The following SRC variants were observed in gnomAD, a reference collection of about 807,000 sequenced individuals.
The protein encoded by SRC is SRC proto-oncogene, non-receptor tyrosine kinase, also known as proto-oncogene tyrosine-protein kinase Src.
Under a neutral mutation model 62.9 loss-of-function variants are expected in SRC, and 13 were observed. The ratio of observed to expected loss-of-function variants is 0.21; its 90% CI spans 0.13 to 0.33. The LOEUF is 0.33. Among genes scored for constraint, SRC ranks in the 10% least tolerant of loss-of-function variants. The probability of loss-of-function intolerance (pLI) is 1.00; values close to 1 mark genes in which losing one functional copy is unlikely to be tolerated. For missense variants in SRC, 457 were observed against 737.3 expected (o/e 0.62, Z 4.40); for synonymous variants, 302 against 317.5 (o/e 0.95, Z 0.52).
chr20:37,364,644 C>G (rs1190082967), intron 1 of SRC, among the ~76,000 whole-genome samples: 5 of 152,172 alleles, frequency 3.3e-5, no homozygotes, highest in African/African-American at 4.8e-5. Flanking sequence ...CCTCCATTTC[C>G]TGGCCTGCTC....
chr20:37,376,775 T>G (rs1460433612), intron 2 of SRC, among the ~76,000 whole-genome samples: 2 of 152,246 alleles, frequency 1.3e-5, no homozygotes, highest in Non-Finnish European at 2.9e-5. Flanking sequence ...AGTGCTGGAA[T>G]TACAGGCATG....
In SRC at chr20:37,386,063, C is replaced by T. The variant is rs372817033; in HGVS notation, c.251-12C>T. Reference sequence around the variant, plus strand: ...GCCCCACTGTTCTGACACACCCCACCCCTCTCTGCAGGTGGAGTGACCACC... The same window carrying T: ...GCCCCACTGTTCTGACACACCCCACTCCTCTCTGCAGGTGGAGTGACCACC... On this transcript the variant is annotated splice_polypyrimidine_tract_variant and intron_variant, in intron 4 of 13. Transcript: ENST00000373578. 2 of 1,608,772 alleles carry T rather than the reference C, an allele frequency of 1.2e-6. No individual in the cohort carries two copies. Among genetic ancestry groups the T allele is most frequent in the African/African-American group, 2.7e-5 (2 of 74,856 alleles).
At chr20:37,370,962 A>G (rs530752005) in intron 2 of SRC, among the ~76,000 whole-genome samples, 1 of 143,834 alleles carries the variant, frequency 7.0e-6, no homozygotes, top group Admixed American at 6.9e-5. Flanking sequence ...TGAATTTTCT[A>G]TTTCTTCTTC....
At chr20:37,345,114 G>T (rs1419468762), upstream of SRC, among the ~76,000 whole-genome samples, 2 of 152,156 alleles carry the variant, frequency 1.3e-5, no homozygotes, top group African/African-American at 4.8e-5. Context: ...ACCTGTCTGG[G>T]CCTTAATTTC....
chr20:37,391,218 C>T (rs2070542131), intron 5 of SRC, among the ~76,000 whole-genome samples: 1 of 152,224 alleles, frequency 6.6e-6, no homozygotes, highest in Non-Finnish European at 1.5e-5. Flanking sequence ...TAGACCTTGG[C>T]CCCTTCCCGC....
At chr20:37,370,427 T>G (rs2070143781) in intron 2 of SRC, among the ~76,000 whole-genome samples, 1 of 152,142 alleles carries the variant, frequency 6.6e-6, no homozygotes, top group Admixed American at 6.5e-5. Flanking sequence ...ATACAAAAAT[T>G]AGCCGGCTGT....
At position 37,400,106 on chromosome 20, in the gene SRC, C is replaced by A. The variant is rs1395148563; in HGVS notation, c.860-9C>A. ...CTCCACTGAGTCAGCCTGCATCCCTCCTCAACAGGGACCTGGAACGGTACC... is the reference window on the plus strand; with the variant it reads ...CTCCACTGAGTCAGCCTGCATCCCTACTCAACAGGGACCTGGAACGGTACC... On this transcript the variant is annotated splice_polypyrimidine_tract_variant and intron_variant, in intron 9 of 13. Coordinates refer to ENST00000373578, the MANE Select transcript of SRC (RefSeq NM_198291.3). 5 of 1,595,344 alleles carry A rather than the reference C, an allele frequency of 3.1e-6. No homozygotes were observed. The highest frequency in any genetic ancestry group is 4.3e-6 in the Non-Finnish European group (5 of 1,169,200).
At chr20:37,359,364 A>G (rs1018542635) in intron 1 of SRC, among the ~76,000 whole-genome samples, 2 of 152,266 alleles carry the variant, frequency 1.3e-5, no homozygotes, top group Admixed American at 6.5e-5. Context: ...GAAGAACACA[A>G]CAAATAAGGA....
At position 37,398,038 on chromosome 20, in the gene SRC, C is replaced by T. The variant is rs1485904669; in HGVS notation, c.859+184C>T. ...TTGTGGCCACCCAAGCACTGTGCCC[C>T]GGACCGTGCAAACCATAGTGCCTGA... On this transcript the variant is annotated intron_variant, in intron 9 of 13. Coordinates refer to ENST00000373578, the MANE Select transcript of SRC (RefSeq NM_198291.3). The surrounding 1 kb of genome is among the most constrained non-coding windows in gnomAD (Gnocchi z 5.2). Among the ~76,000 whole-genome samples, 8 of 152,196 alleles carry T rather than the reference C, an allele frequency of 5.3e-5. No individual in the cohort carries two copies. Among genetic ancestry groups the T allele is most frequent in the African/African-American group, 9.7e-5 (4 of 41,444 alleles).
At chr20:37,389,563 A>G (rs2070512846) in intron 5 of SRC, among the ~76,000 whole-genome samples, 1 of 152,270 alleles carries the variant, frequency 6.6e-6, no homozygotes, top group East Asian at 1.9e-4. Context: ...GCCACTGCCC[A>G]CCTGGCCAGC....
At chr20:37,373,429 G>GCGCA (rs1568628756) in intron 2 of SRC, among the ~76,000 whole-genome samples, 1 of 93,318 alleles carries the variant, frequency 1.1e-5, no homozygotes, top group African/African-American at 9.5e-5. Context: ...ATATATGCGT[G>GCGCA]TATATACGCA....
chr20:37,388,640 C>T (rs567491522), intron 5 of SRC, among the ~76,000 whole-genome samples: 1 of 152,036 alleles, frequency 6.6e-6, no homozygotes, highest in East Asian at 1.9e-4. Context: ...CCCAGCTACT[C>T]AGGAGGCTGA....
Position 37,401,599 on chromosome 20 carries a change from C to T in SRC, c.1040-3C>T. 2 of 1,609,828 alleles carry T rather than the reference C, an allele frequency of 1.2e-6. No individual in the cohort carries two copies. The highest frequency in any genetic ancestry group is 1.7e-6 in the Non-Finnish European group (2 of 1,177,938). On this transcript the variant is annotated splice_region_variant and splice_polypyrimidine_tract_variant and intron_variant, in intron 10 of 13. Coordinates refer to ENST00000373578, the MANE Select transcript of SRC (RefSeq NM_198291.3). ...AGCTGGAGCTGGGTCTCTCTCTGCCCAGGGAGTTTGCTGGACTTTCTCAAG... is the reference window on the plus strand; with the variant it reads ...AGCTGGAGCTGGGTCTCTCTCTGCCTAGGGAGTTTGCTGGACTTTCTCAAG...
In SRC at chr20:37,373,845, C is replaced by A. The variant is rs183669921; in HGVS notation, c.-173+8568C>A. 2.0e-5 allele frequency among the ~76,000 whole-genome samples: 3 copies of A among 152,184 alleles called. No individual in the cohort carries two copies. In the East Asian group the frequency reaches 5.8e-4, roughly 29 times the overall value. On this transcript the variant is annotated intron_variant, in intron 2 of 13. Coordinates refer to ENST00000373578, the MANE Select transcript of SRC (RefSeq NM_198291.3). ...GACAACTTTTGGACTCTATTCTGTT[C>A]CCCTGATGTACTGATGTGCCAATAG...
intron 5 of SRC, chr20:37,386,602 C>T: frequency 1.5e-6 from 1 of 670,968 alleles, no homozygotes; most frequent in Non-Finnish European, 2.7e-6. Flanking sequence ...CCTCACCTCC[C>T]AGCTTCTCCC....
chr20:37,394,566 C>T (rs1027563948), intron 7 of SRC, among the ~76,000 whole-genome samples: 9 of 152,072 alleles, frequency 5.9e-5, no homozygotes, highest in Admixed American at 3.3e-4. Flanking sequence ...GTAACAGGCT[C>T]GTTCCCAGGG....
At chr20:37,399,978 GC>G in intron 9 of SRC, 136 bp from the exon 10 acceptor site, 1 of 745,492 alleles carries the variant, frequency 1.3e-6, no homozygotes, top group Non-Finnish European at 2.1e-6. Flanking sequence ...CTCAGAAAGG[GC>G]CCAGGCTTTG....
In SRC at chr20:37,403,043, G is replaced by T. The variant is rs1055955554; in HGVS notation, c.1403-128G>T. 14 of 1,308,272 alleles carry T rather than the reference G, an allele frequency of 1.1e-5. No homozygotes were observed. In the African/African-American group the frequency reaches 1.9e-4, roughly 18 times the overall value. The allele number at this position is 1,308,272 out of a possible 1,614,324, so 81.0% of individuals were successfully genotyped here. On this transcript the variant is annotated intron_variant, in intron 13 of 13. Coordinates refer to ENST00000373578, the MANE Select transcript of SRC (RefSeq NM_198291.3). This position sits in a 1 kb window ranked among gnomAD's most constrained non-coding sequence, Gnocchi z 7.1. ...GATGGTCCATGCTCTCAGCTTCGGG[G>T]ACAGGACTTATCTATGGTCACTCCC...
intron 5 of SRC, among the ~76,000 whole-genome samples, chr20:37,389,845 C>T (rs2070517328): frequency 1.3e-5 from 2 of 152,122 alleles, no homozygotes; most frequent in Non-Finnish European, 2.9e-5. Context: ...GACTCTTGGC[C>T]CTTCTTCTAG....
Sources: allele counts gnomAD v4.1 joint callset (sites outside exome capture counted in the v4.1 genomes callset), GRCh38; gene constraint gnomAD v4.1.1; non-coding constraint Gnocchi (gnomAD v3.1); transcripts MANE v1.5; gene names NCBI Gene and HGNC (gene_info 2026-07-23, HGNC 2026-07-21).